NARS2: variants seen among roughly 807,000 people sequenced by gnomAD.
NARS2 encodes the protein asparaginyl-tRNA synthetase.
A neutral mutation model predicts 62.9 loss-of-function variants in NARS2; 60 were observed. The ratio of observed to expected loss-of-function variants is 0.95; its 90% CI spans 0.77 to 1.18. The LOEUF is 1.18. Ranked by LOEUF, NARS2 falls within the 50% of genes most tolerant of loss-of-function variation. The probability of loss-of-function intolerance (pLI) is 0.00; values close to 1 mark genes in which losing one functional copy is unlikely to be tolerated. For missense variants in NARS2, 619 were observed against 576.4 expected, an observed-to-expected ratio of 1.07 and a Z score of -0.76; for synonymous variants, 196 against 200.0, an observed-to-expected ratio of 0.98 and a Z score of 0.17.
At chr11:78,542,854 G>C (rs747923002) in intron 5 of NARS2, among the ~76,000 whole-genome samples, 35 of 152,198 alleles carry the variant, frequency 2.3e-4, no homozygotes, top group Non-Finnish European at 3.5e-4. Context: ...AGCCATGATC[G>C]CTGGCTCATC....
chr11:78,457,797 A>AACACACAC (rs10556136), intron 11 of NARS2, among the ~76,000 whole-genome samples: 1 of 148,434 alleles, frequency 6.7e-6, no homozygotes, highest in Non-Finnish European at 1.5e-5. Context: ...ATTATGTAAC[A>AACACACAC]ACACACACAC....
chr11:78,541,785 T>C (rs1855630600), intron 5 of NARS2, among the ~76,000 whole-genome samples: 1 of 152,212 alleles, frequency 6.6e-6, no homozygotes, highest in African/African-American at 2.4e-5. Context: ...TGTGGGTTGG[T>C]AGTTTCATGA....
chr11:78,454,934 T>A (rs1858105133), intron 11 of NARS2, among the ~76,000 whole-genome samples: 1 of 152,208 alleles, frequency 6.6e-6, no homozygotes, highest in African/African-American at 2.4e-5. Context: ...GGTATTTTTT[T>A]ATAGCAACTT....
chr11:78,478,754 A>G, intron 7 of NARS2, 71 bp from the exon 8 acceptor site: 2 of 837,288 alleles, frequency 2.4e-6, no homozygotes, highest in Non-Finnish European at 3.8e-6. Flanking sequence ...AGGACTCAAT[A>G]AGGACCGCAT....
chr11:78,464,536 G>C (rs986149316), intron 11 of NARS2, among the ~76,000 whole-genome samples: 16 of 151,856 alleles, frequency 1.1e-4, no homozygotes, highest in Non-Finnish European at 1.8e-4. Context: ...GCTAGATACA[G>C]AGTGTCCACA....
intron 6 of NARS2, among the ~76,000 whole-genome samples, chr11:78,493,545 C>A (rs563329790): frequency 1.3e-5 from 2 of 152,122 alleles, no homozygotes; most frequent in East Asian, 3.9e-4. Flanking sequence ...ATAGGTCCAG[C>A]TACTTGGGAG....
At chr11:78,561,991 C>T (rs537081167) in intron 4 of NARS2, among the ~76,000 whole-genome samples, 1 of 152,028 alleles carries the variant, frequency 6.6e-6, no homozygotes, top group African/African-American at 2.4e-5. Context: ...GCCGAGATCA[C>T]GCCACTGTGC....
intron 9 of NARS2, among the ~76,000 whole-genome samples, chr11:78,473,634 T>A (rs141368466): frequency 3.3e-5 from 5 of 152,352 alleles, no homozygotes; most frequent in African/African-American, 1.2e-4. Flanking sequence ...ATTCAAACTC[T>A]AGGCTCACTT....
intron 9 of NARS2, among the ~76,000 whole-genome samples, chr11:78,470,467 A>G (rs1858821758): frequency 6.6e-6 from 1 of 151,660 alleles, no homozygotes; most frequent in Non-Finnish European, 1.5e-5. Flanking sequence ...ATAATACACA[A>G]TCTTCCTTTT....
At chr11:78,462,209 G>C (rs1858426672) in intron 11 of NARS2, among the ~76,000 whole-genome samples, 1 of 152,094 alleles carries the variant, frequency 6.6e-6, no homozygotes, top group Non-Finnish European at 1.5e-5. Context: ...GGGGGAGCTG[G>C]AATTGGAATG....
chr11:78,551,198 A>G (rs4597089), intron 5 of NARS2, among the ~76,000 whole-genome samples: 98,374 of 152,106 alleles, frequency 0.65, 35,202 homozygotes, highest in Non-Finnish European at 0.81. Context: ...ACAGTTGTGC[A>G]TAGCCTGAGG....
At chr11:78,452,520 AAC>A (rs1858008282) in intron 11 of NARS2, among the ~76,000 whole-genome samples, 1 of 151,914 alleles carries the variant, frequency 6.6e-6, no homozygotes, top group African/African-American at 2.4e-5. Context: ...CAATCCTCCT[AAC>A]TCAGCCTCTC....
intron 11 of NARS2, among the ~76,000 whole-genome samples, chr11:78,444,984 T>C (rs1400608664): frequency 2.0e-5 from 3 of 152,232 alleles, no homozygotes; most frequent in East Asian, 3.9e-4. Flanking sequence ...AAGATTAACA[T>C]GCAAGATGTT....
chr11:78,479,703 ATATG>A, intron 7 of NARS2, among the ~76,000 whole-genome samples: 1 of 152,348 alleles, frequency 6.6e-6, no homozygotes, highest in Admixed American at 6.5e-5. Flanking sequence ...AAAGGTGCAC[ATATG>A]TATAAAGTAG....
intron 11 of NARS2, among the ~76,000 whole-genome samples, chr11:78,446,437 T>C (rs1373498791): frequency 1.3e-5 from 2 of 152,176 alleles, no homozygotes; most frequent in Non-Finnish European, 2.9e-5. Flanking sequence ...AAGGAGGAAG[T>C]CTGGTATCTT....
At chr11:78,455,566 C>T (rs1858130005) in intron 11 of NARS2, among the ~76,000 whole-genome samples, 1 of 152,054 alleles carries the variant, frequency 6.6e-6, no homozygotes, top group South Asian at 2.1e-4. Context: ...AACCTCTTTC[C>T]TGACCTCTAT....
At chr11:78,457,817 C>A (rs1395223356) in intron 11 of NARS2, among the ~76,000 whole-genome samples, 3 of 149,790 alleles carry the variant, frequency 2.0e-5, no homozygotes, top group African/African-American at 7.6e-5. Flanking sequence ...CACACACACA[C>A]ACACACACAC....
At chr11:78,538,246 C>A (rs1456050623) in intron 5 of NARS2, among the ~76,000 whole-genome samples, 4 of 152,140 alleles carry the variant, frequency 2.6e-5, no homozygotes, top group East Asian at 3.9e-4. Context: ...ATCCATGAGG[C>A]CTTCTTACTG....
In NARS2 at chr11:78,436,383, AAG is replaced by A; in HGVS notation, c.*285_*286del. 2 of 307,740 alleles carry A rather than the reference AAG, an allele frequency of 6.5e-6. No homozygotes were observed. The highest frequency in any genetic ancestry group is 1.2e-5 in the Non-Finnish European group (2 of 164,640). The allele number at this position is 307,740 out of a possible 1,614,324, so 19.1% of individuals were successfully genotyped here. On this transcript the variant is annotated 3_prime_UTR_variant, in exon 14 of 14. Transcript: ENST00000281038. ...TATCTCATTCTGTTTTAGAGTTTAA[AAG>A]AAACTTTGAGACTAATTCAATTTCT...
Sources: gnomAD v4.1 joint callset for allele counts (sites outside exome capture counted in the v4.1 genomes callset) on GRCh38, gnomAD v4.1.1 for gene constraint, MANE v1.5 for transcripts, NCBI Gene and HGNC (gene_info 2026-07-23, HGNC 2026-07-21) for gene names.